The following DIO1 variants were observed in gnomAD, a reference collection of about 807,000 sequenced individuals.
DIO1 encodes the protein type I iodothyronine deiodinase.
DIO1 carries 17 observed loss-of-function variants against 25.9 expected under a neutral mutation model. That is an observed-to-expected ratio of 0.66 (90% CI 0.45 to 0.98). DIO1 has a LOEUF of 0.98. DIO1 is among the 50% of genes least tolerant of loss of function. The pLI, the probability that DIO1 is intolerant of heterozygous loss-of-function variation, is 0.00. For synonymous variants in DIO1, 115 were observed against 114.0 expected, an observed-to-expected ratio of 1.01 and a Z score of -0.05; for missense variants, 270 against 310.4, an observed-to-expected ratio of 0.87 and a Z score of 0.98.
rs1569693295 is a variant in DIO1, at chr1:53,896,481, A to G, written c.337+1934A>G. Among the ~76,000 whole-genome samples the G allele has an allele frequency of 2.0e-5, 3 of 151,784 alleles. No individual in the cohort carries two copies. The South Asian group carries it at 6.2e-4, about 32-fold the overall frequency. ...GATCCACCCACTTCGGCCTTCCAAA[A>G]TGCTGGGATTACAGGCATGAGCCAC... On this transcript the variant is annotated intron_variant, in intron 1 of 3. Transcript: ENST00000361921.
intron 1 of DIO1, among the ~76,000 whole-genome samples, chr1:53,896,456 G>A (rs1651085801): frequency 6.6e-6 from 1 of 152,164 alleles, no homozygotes; most frequent in Admixed American, 6.5e-5. Flanking sequence ...GGACTCAAGT[G>A]ATCCACCCAC....
intron 3 of DIO1, among the ~76,000 whole-genome samples, chr1:53,909,098 AAAAAAG>A (rs1182813870): frequency 2.4e-4 from 35 of 148,488 alleles, no homozygotes; most frequent in African/African-American, 7.5e-4. Flanking sequence ...TCTCAAAAAA[AAAAAAG>A]AAAAGAAAAA....
rs975779930 is a variant in DIO1 at position 53,894,592 on chromosome 1, G to C, written c.337+45G>C. Reference sequence around the variant, plus strand: ...CTTGAGGGGTGCTTGAAATAGCAGTGGTAGAGGGGGATGAAGAGATGGGTT... The same window carrying C: ...CTTGAGGGGTGCTTGAAATAGCAGTCGTAGAGGGGGATGAAGAGATGGGTT... On this transcript the variant is annotated intron_variant, in intron 1 of 3. Coordinates refer to ENST00000361921, the MANE Select transcript of DIO1 (RefSeq NM_000792.7). The surrounding 1 kb of genome is among the most constrained non-coding windows in gnomAD (Gnocchi z 4.9). 4 of 1,534,216 alleles carry C rather than the reference G, an allele frequency of 2.6e-6. No individual in the cohort carries two copies. The highest frequency in any genetic ancestry group is 3.5e-6 in the Non-Finnish European group (4 of 1,130,444).
intron 3 of DIO1, among the ~76,000 whole-genome samples, chr1:53,907,639 C>T (rs1314831925): frequency 2.0e-5 from 3 of 152,308 alleles, no homozygotes; most frequent in African/African-American, 7.2e-5. Flanking sequence ...TAGCCGGGTG[C>T]AGTGGCTTAC....
chr1:53,895,788 T>C (rs1651041865), intron 1 of DIO1, among the ~76,000 whole-genome samples: 1 of 152,234 alleles, frequency 6.6e-6, no homozygotes, highest in African/African-American at 2.4e-5. Context: ...GGACAAACTG[T>C]TGGGCCTTGT....
chr1:53,898,530 A>G (rs886516184), intron 1 of DIO1, among the ~76,000 whole-genome samples: 1 of 152,108 alleles, frequency 6.6e-6, no homozygotes, highest in African/African-American at 2.4e-5. Context: ...GGGTCACTTG[A>G]TGTCAGGAGT....
intron 2 of DIO1, 133 bp from the exon 3 acceptor site, chr1:53,905,962 C>T: frequency 1.3e-6 from 1 of 787,984 alleles, no homozygotes; most frequent in Admixed American, 2.5e-5. Context: ...GCACATTCAA[C>T]CATAATGGGA....
intron 3 of DIO1, among the ~76,000 whole-genome samples, chr1:53,909,098 A>G (rs1212481195): frequency 6.7e-6 from 1 of 148,386 alleles, no homozygotes; most frequent in African/African-American, 2.5e-5. Flanking sequence ...TCTCAAAAAA[A>G]AAAAAGAAAA....
Position 53,894,270 on chromosome 1 carries a change from T to C in DIO1, c.60T>C (p.Ala20=), listed in dbSNP as rs747738891. Residue 20 remains alanine (A), a synonymous_variant, in exon 1 of 4, where the codon GCT becomes GCC. Transcript: ENST00000361921. This position sits in a 1 kb window ranked among gnomAD's most constrained non-coding sequence, Gnocchi z 4.9. The part of the protein sequence containing the change: ...LKRLWVLLEV[A]VHVVVGKVLL... ...GGCTCTGGGTGCTCTTGGAGGTGGC[T>C]GTGCATGTGGTCGTGGGTAAAGTGC... 2 of 1,614,132 alleles carry C rather than the reference T, an allele frequency of 1.2e-6. No individual in the cohort carries two copies. Among genetic ancestry groups the C allele is most frequent in the Non-Finnish European group, 1.7e-6 (2 of 1,180,044 alleles).
chr1:53,907,351 G>C (rs1651706121), intron 3 of DIO1, among the ~76,000 whole-genome samples: 1 of 152,160 alleles, frequency 6.6e-6, no homozygotes, highest in Non-Finnish European at 1.5e-5. Flanking sequence ...GGGATTTCAA[G>C]CCTTGGAGAG....
intron 1 of DIO1, among the ~76,000 whole-genome samples, chr1:53,903,640 G>A (rs1270146617): frequency 6.6e-6 from 1 of 151,846 alleles, no homozygotes; most frequent in Admixed American, 6.5e-5. Context: ...CTTGAGGTCA[G>A]GAGTCTGAGA....
chr1:53,904,554 T>TG, intron 1 of DIO1, 112 bp from the exon 2 acceptor site: 5 of 1,340,934 alleles, frequency 3.7e-6, no homozygotes, highest in South Asian at 1.4e-5. Context: ...CATCCTGGGG[T>TG]GGGGGGTAGG....
rs987758918 is a variant in DIO1, at chr1:53,902,774, A to G, written c.338-1892A>G. On this transcript the variant is annotated intron_variant, in intron 1 of 3. Transcript: ENST00000361921. ...TGGACATGGGACCAGTGAATCACAC[A>G]GGGACCTACACTCAAAAGGGCCTTG... Among the ~76,000 whole-genome samples the G allele has an allele frequency of 1.2e-4, 18 of 151,788 alleles. 1 individual carries two copies. The highest frequency in any genetic ancestry group is 4.1e-4 in the African/African-American group (17 of 41,076).
intron 2 of DIO1, among the ~76,000 whole-genome samples, chr1:53,905,122 T>C (rs2100776291): frequency 6.6e-6 from 1 of 151,938 alleles, no homozygotes; most frequent in Non-Finnish European, 1.5e-5. Flanking sequence ...TTACAAAGAA[T>C]TCAGACCCAA....
Position 53,901,898 on chromosome 1 carries a change from C to CA in DIO1, c.338-2753dup, listed in dbSNP as rs11291749. 6.5e-3 allele frequency among the ~76,000 whole-genome samples: 846 copies of CA among 130,450 alleles called. 2 individuals carry two copies. Among genetic ancestry groups the CA allele is most frequent in the Non-Finnish European group, 8.8e-3 (524 of 59,826 alleles). The allele number at this position is 130,450 out of a possible 152,430, so 85.6% of individuals were successfully genotyped here. A position where few individuals can be genotyped will look rare whatever the true frequency, so the allele number is the denominator to read the frequency against. ...GGCAACATAACAAGATCTCATCTCT[C>CA]AAAAAAAAAAAAAAATGAAAAAGAA... On this transcript the variant is annotated intron_variant, in intron 1 of 3. Transcript: ENST00000361921.
rs1351905095 is a variant in DIO1, at chr1:53,908,830, G to T, written c.682-1101G>T. Among the ~76,000 whole-genome samples, 6 of 152,270 alleles carry T rather than the reference G, an allele frequency of 3.9e-5. 1 individual carries two copies. The South Asian group carries it at 1.2e-3, about 32-fold the overall frequency. ...GTACTTAGAACGTTCACTGGCTCAC[G>T]GCTGTAACTCTAGCACTTTGGGAGG... is the stretch of plus-strand genomic sequence containing the variant. On this transcript the variant is annotated intron_variant, in intron 3 of 3. Coordinates refer to ENST00000361921, the MANE Select transcript of DIO1 (RefSeq NM_000792.7).
intron 3 of DIO1, among the ~76,000 whole-genome samples, chr1:53,906,540 G>A (rs1557625693): frequency 6.6e-6 from 1 of 152,200 alleles, no homozygotes; most frequent in Non-Finnish European, 1.5e-5. Context: ...CTAGCATTTG[G>A]ACTGGAGCTG....
chr1:53,902,654 G>C (rs1319391007), intron 1 of DIO1, among the ~76,000 whole-genome samples: 1 of 151,670 alleles, frequency 6.6e-6, no homozygotes, highest in Non-Finnish European at 1.5e-5. Context: ...TGTCAGCTCT[G>C]GCCGTAAGAA....
Position 53,894,674 on chromosome 1 carries a change from C to T in DIO1, c.337+127C>T, listed in dbSNP as rs1333931190. ...TGCTCCTTTTGGACCTTCTTGTCCT[C>T]TTCCTGCTTCCTGAAACTAGAACTT... On this transcript the variant is annotated intron_variant, in intron 1 of 3. Transcript: ENST00000361921. This position sits in a 1 kb window ranked among gnomAD's most constrained non-coding sequence, Gnocchi z 4.9. 8 of 814,682 alleles carry T rather than the reference C, an allele frequency of 9.8e-6. No homozygotes were observed. Among genetic ancestry groups the T allele is most frequent in the Non-Finnish European group, 1.5e-5 (8 of 532,626 alleles). 50.5% of individuals were successfully genotyped at this position (814,682 alleles called of 1,614,324 possible). A position where few individuals can be genotyped will look rare whatever the true frequency, so the allele number is the denominator to read the frequency against.
Sources: allele counts gnomAD v4.1 joint callset (sites outside exome capture counted in the v4.1 genomes callset), GRCh38; gene constraint gnomAD v4.1.1; non-coding constraint Gnocchi (gnomAD v3.1); transcripts MANE v1.5; gene names NCBI Gene and HGNC (gene_info 2026-07-23, HGNC 2026-07-21).